Variants in SPATA17 observed in about 807,000 individuals in gnomAD.
The protein encoded by SPATA17 is spermatogenesis-associated protein 17.
Under a neutral mutation model 62.2 loss-of-function variants are expected in SPATA17, and 53 were observed. The observed-to-expected ratio is 0.85, with a 90% CI of 0.68 to 1.07. SPATA17 has a LOEUF of 1.07. Among genes scored for constraint, SPATA17 ranks in the 50% least tolerant of loss-of-function variants. SPATA17 has a pLI of 0.00. For synonymous variants in SPATA17, 146 were observed against 146.8 expected, an observed-to-expected ratio of 0.99 and a Z score of 0.04; for missense variants, 466 against 425.5, an observed-to-expected ratio of 1.10 and a Z score of -0.84.
chr1:217,789,844 GGCCAACATA>G (rs1462758001), intron 8 of SPATA17, among the ~76,000 whole-genome samples: 1 of 152,094 alleles, frequency 6.6e-6, no homozygotes, highest in Non-Finnish European at 1.5e-5. Context: ...AGACCAGCCA[GGCCAACATA>G]GTGAAAGCCC....
chr1:217,769,227 C>T (rs1673379077), intron 6 of SPATA17, among the ~76,000 whole-genome samples: 1 of 152,030 alleles, frequency 6.6e-6, no homozygotes, highest in African/African-American at 2.4e-5. Context: ...TCAAAGTGTA[C>T]CTTTCGTATA....
chr1:217,791,512 A>C (rs536502957), intron 8 of SPATA17, among the ~76,000 whole-genome samples: 103 of 152,302 alleles, frequency 6.8e-4, no homozygotes, highest in Non-Finnish European at 1.0e-3. Flanking sequence ...GTTTCTCTGA[A>C]AGAAAAAAAA....
intron 5 of SPATA17, among the ~76,000 whole-genome samples, chr1:217,719,940 G>A (rs1325316691): frequency 6.6e-6 from 1 of 152,188 alleles, no homozygotes; most frequent in Admixed American, 6.5e-5. Context: ...ACTGCCCATG[G>A]TGGTGCAGAT....
intron 9 of SPATA17, among the ~76,000 whole-genome samples, chr1:217,851,667 A>G (rs1463429019): frequency 6.6e-6 from 1 of 152,170 alleles, no homozygotes; most frequent in African/African-American, 2.4e-5. Flanking sequence ...CTGTGAGACT[A>G]ATTTCTTGAT....
chr1:217,786,066 T>C (rs1673853756), intron 8 of SPATA17, among the ~76,000 whole-genome samples: 1 of 152,154 alleles, frequency 6.6e-6, no homozygotes, highest in Admixed American at 6.5e-5. Context: ...ATCTAGATAT[T>C]GTGAGAAATA....
At chr1:217,739,447 TA>T (rs1441523961) in intron 5 of SPATA17, 1 of 152,110 alleles carries the variant, frequency 6.6e-6, no homozygotes, top group Non-Finnish European at 1.5e-5. Flanking sequence ...GAGTAATTAG[TA>T]AAAGCTATGC....
At chr1:217,661,385 T>C (rs1670565443) in intron 3 of SPATA17, among the ~76,000 whole-genome samples, 1 of 152,036 alleles carries the variant, frequency 6.6e-6, no homozygotes, top group Non-Finnish European at 1.5e-5. Flanking sequence ...ATCTCTTTAG[T>C]GAGGAAAGTC....
rs28714119 is a variant in SPATA17, at chr1:217,774,519, T to A, written c.705T>A (p.Ile235=). 2,556 of 1,613,796 alleles carry A rather than the reference T, an allele frequency of 1.6e-3. 41 individuals carry two copies. The African/African-American group carries it at 0.031, about 19-fold the overall frequency. Residue 235 remains isoleucine, a synonymous_variant, in exon 7 of 11, where the codon ATT becomes ATA. Coordinates refer to ENST00000366933, the MANE Select transcript of SPATA17 (RefSeq NM_138796.4). Reference sequence around the variant, plus strand: ...CTCGGTCTGAAATTCTACCACCTATTAATAGAAAGCAATGTCAGGTACTAG... The same window carrying A: ...CTCGGTCTGAAATTCTACCACCTATAAATAGAAAGCAATGTCAGGTACTAG... ...SFPRSEILPP[I]NRKQCQGPFR...
At chr1:217,700,664 G>A (rs1159133847) in intron 5 of SPATA17, among the ~76,000 whole-genome samples, 1 of 150,934 alleles carries the variant, frequency 6.6e-6, no homozygotes, top group Non-Finnish European at 1.5e-5. Flanking sequence ...TCTGCTCACT[G>A]CACCCTCCGC....
rs1191694917 is a variant in SPATA17, at chr1:217,667,048, C to CT, written c.241-1968dup. Among the ~76,000 whole-genome samples, 986 of 115,536 alleles carry CT rather than the reference C, an allele frequency of 8.5e-3. 23 individuals carry two copies. Among genetic ancestry groups the CT allele is most frequent in the Middle Eastern group, 0.022 (4 of 186 alleles). 75.8% of individuals were successfully genotyped at this position (115,536 alleles called of 152,430 possible). ...TTTTTGGAATTTTACTTTTTTTTTT[C>CT]TTTTTTTTTTTTTTTTTGTGACGGA... On this transcript the variant is annotated intron_variant, in intron 3 of 10. Coordinates refer to ENST00000366933, the MANE Select transcript of SPATA17 (RefSeq NM_138796.4).
chr1:217,637,458 G>T (rs1669967305), intron 1 of SPATA17, among the ~76,000 whole-genome samples: 1 of 152,072 alleles, frequency 6.6e-6, no homozygotes, highest in African/African-American at 2.4e-5. Flanking sequence ...GAAAGCAGGG[G>T]TACATTACTC....
intron 5 of SPATA17, among the ~76,000 whole-genome samples, chr1:217,707,488 A>G (rs1671763249): frequency 6.6e-6 from 1 of 152,132 alleles, no homozygotes. Context: ...GAGAGAGGGC[A>G]TCCTTATCGT....
intron 9 of SPATA17, among the ~76,000 whole-genome samples, chr1:217,827,546 G>T (rs2103000027): frequency 6.6e-6 from 1 of 152,086 alleles, no homozygotes; most frequent in East Asian, 1.9e-4. Context: ...ATACCCAAAG[G>T]AATATAAATC....
intron 9 of SPATA17, among the ~76,000 whole-genome samples, chr1:217,811,579 G>A (rs61825832): frequency 0.03 from 4,493 of 151,950 alleles, 107 homozygotes; most frequent in Middle Eastern, 0.061. Context: ...TGTAATCCCA[G>A]CTGCTCAGGA....
chr1:217,680,840 G>A (rs776385569), intron 4 of SPATA17, among the ~76,000 whole-genome samples: 2 of 145,182 alleles, frequency 1.4e-5, no homozygotes, highest in African/African-American at 2.5e-5. Context: ...CAAGAGAATC[G>A]TTTGAACCCA....
At chr1:217,766,576 G>T (rs10863346) in intron 6 of SPATA17, among the ~76,000 whole-genome samples, 42,337 of 151,426 alleles carry the variant, frequency 0.28, 6,337 homozygotes, top group East Asian at 0.53. Context: ...ATACCTTGAC[G>T]CTATTATTTT....
At chr1:217,809,685 T>C (rs1674536436) in intron 9 of SPATA17, among the ~76,000 whole-genome samples, 1 of 152,184 alleles carries the variant, frequency 6.6e-6, no homozygotes. Context: ...TTACGAGGTA[T>C]CTGTTGCCAT....
At chr1:217,649,928 TTC>T (rs1440436319) in intron 2 of SPATA17, among the ~76,000 whole-genome samples, 1 of 148,748 alleles carries the variant, frequency 6.7e-6, no homozygotes, top group African/African-American at 2.5e-5. Context: ...AAGACAAGGC[TTC>T]TCTCTTTTTT....
At chr1:217,726,719 T>G (rs998173573) in intron 5 of SPATA17, among the ~76,000 whole-genome samples, 11 of 151,328 alleles carry the variant, frequency 7.3e-5, no homozygotes, top group Non-Finnish European at 1.5e-4. Context: ...TTTTGTGTGT[T>G]TTTTTTTTCA....
Sources: gnomAD v4.1 joint callset for allele counts (sites outside exome capture counted in the v4.1 genomes callset) on GRCh38, gnomAD v4.1.1 for gene constraint, MANE v1.5 for transcripts, NCBI Gene and HGNC (gene_info 2026-07-23, HGNC 2026-07-21) for gene names.